ARHGDIB: variants seen among roughly 807,000 people sequenced by gnomAD.
The protein encoded by ARHGDIB is Rho GDP dissociation inhibitor beta.
In ARHGDIB, 20 loss-of-function variants were observed where a neutral mutation model predicts 22.6. The ratio of observed to expected loss-of-function variants is 0.88; its 90% CI spans 0.62 to 1.28. The LOEUF (loss-of-function observed/expected upper bound fraction) is 1.28. ARHGDIB is among the 50% of genes most tolerant of loss of function. The probability of loss-of-function intolerance (pLI) is 0.00; values close to 1 mark genes in which losing one functional copy is unlikely to be tolerated. For synonymous variants in ARHGDIB, 114 were observed against 96.1 expected, an observed-to-expected ratio of 1.19 and a Z score of -1.09; for missense variants, 254 against 245.4, an observed-to-expected ratio of 1.04 and a Z score of -0.23.
Position 14,950,638 on chromosome 12 carries a change from C to G in ARHGDIB, c.75G>C (p.Lys25Asn). The change falls in exon 2 of 6, where the codon AAG (lysine) becomes AAC (asparagine). Residue 25 changes from lysine (K) to asparagine (N), a missense_variant. Transcript: ENST00000228945. ...DDELDSKLNY[K>N]PPPQKSLKEL... ...CTTTCAGGGACTTCTGTGGTGGAGG[C>G]TTATAATTGAGCTTGCTGTCCAGCT... 6.2e-7 allele frequency: 1 copy of G among 1,614,026 alleles called. No homozygotes were observed. Among genetic ancestry groups the G allele is most frequent in the Non-Finnish European group, 8.5e-7 (1 of 1,179,926 alleles).
At chr12:14,958,301 C>A (rs1221121045) in intron 1 of ARHGDIB, among the ~76,000 whole-genome samples, 1 of 152,138 alleles carries the variant, frequency 6.6e-6, no homozygotes. Context: ...ACCACCTCAG[C>A]CCCATGAAGG....
At chr12:14,948,100 G>GCGCGCGCGCA (rs71926892) in intron 3 of ARHGDIB, 151 bp from the exon 4 acceptor site, 2 of 436,272 alleles carry the variant, frequency 4.6e-6, no homozygotes, top group Admixed American at 3.7e-5. Context: ...TTTAGTCCTT[G>GCGCGCGCGCA]CACACACACA....
In ARHGDIB at chr12:14,949,212, C is replaced by T. The variant is rs114801468; in HGVS notation, c.265+590G>A. The stretch of plus-strand genomic sequence containing the variant: ...TCCACAATAACCCCCTTCCCAGTCT[C>T]TCTCCTCCTCAAGCCCTAAGTCTCA... On this transcript the variant is annotated intron_variant, in intron 3 of 5. Transcript: ENST00000228945. 7.3e-3 allele frequency among the ~76,000 whole-genome samples: 1,104 copies of T among 152,270 alleles called. 16 individuals carry two copies. Among genetic ancestry groups the T allele is most frequent in the African/African-American group, 0.025 (1,049 of 41,546 alleles).
chr12:14,949,404 C>T (rs1314117285), intron 3 of ARHGDIB, among the ~76,000 whole-genome samples: 2 of 152,060 alleles, frequency 1.3e-5, no homozygotes, highest in African/African-American at 4.8e-5. Flanking sequence ...TGCTTCTCAC[C>T]TTCCAGTAAG....
chr12:14,960,828 C>G (rs751817845), intron 1 of ARHGDIB, among the ~76,000 whole-genome samples: 10 of 152,160 alleles, frequency 6.6e-5, no homozygotes, highest in Non-Finnish European at 1.0e-4. Flanking sequence ...ACAACAACAG[C>G]AAAGATCTGC....
chr12:14,947,557 A>G (rs1400477641), intron 4 of ARHGDIB: 3 of 240,682 alleles, frequency 1.2e-5, no homozygotes, highest in East Asian at 8.4e-5. Context: ...CTTATATTCT[A>G]TGAAGAAGAA....
chr12:14,948,024 G>A (rs1307121858), intron 3 of ARHGDIB, 75 bp from the exon 4 acceptor site: 24 of 1,317,486 alleles, frequency 1.8e-5, no homozygotes, highest in Admixed American at 5.2e-5. Flanking sequence ...TTAAGTCCCG[G>A]AAAAATTTGT....
rs763409543 is a variant in ARHGDIB, at chr12:14,942,737, A to G, written c.407-16T>C. ...GCTTTATCCACTAAGAAGAAAGAAGAGTTCATTAGGGTAAGAGCCTGATAG... is the reference window on the plus strand; with the variant it reads ...GCTTTATCCACTAAGAAGAAAGAAGGGTTCATTAGGGTAAGAGCCTGATAG... On this transcript the variant is annotated splice_polypyrimidine_tract_variant and intron_variant, in intron 5 of 5. Transcript: ENST00000228945. 7 of 1,612,016 alleles carry G rather than the reference A, an allele frequency of 4.3e-6. No individual in the cohort carries two copies. Among genetic ancestry groups the G allele is most frequent in the Non-Finnish European group, 5.9e-6 (7 of 1,179,134 alleles).
rs944790915 is a variant in ARHGDIB at position 14,947,868 on chromosome 12, C to A, written c.342+5G>T. 6.2e-7 allele frequency: 1 copy of A among 1,600,366 alleles called. No homozygotes were observed. Among genetic ancestry groups the A allele is most frequent in the African/African-American group, 1.3e-5 (1 of 74,748 alleles). On this transcript the variant is annotated splice_donor_5th_base_variant and intron_variant, in intron 4 of 5. Coordinates refer to ENST00000228945, the MANE Select transcript of ARHGDIB (RefSeq NM_001175.7). ...TTACAAAAACACACAAGGCAGGATA[C>A]TTACTTTGAAGTGAATTTTGACTCT...
At chr12:14,943,169 T>C (rs1190099518) in intron 5 of ARHGDIB, among the ~76,000 whole-genome samples, 3 of 152,152 alleles carry the variant, frequency 2.0e-5, no homozygotes, top group Non-Finnish European at 1.5e-5. Flanking sequence ...CACCTGGCCC[T>C]GAGGCATCTT....
At chr12:14,952,665 G>T (rs898414973) in intron 1 of ARHGDIB, among the ~76,000 whole-genome samples, 1 of 152,230 alleles carries the variant, frequency 6.6e-6, no homozygotes, top group Non-Finnish European at 1.5e-5. Flanking sequence ...TGAAGAGCAA[G>T]CCAGATAAGA....
intron 3 of ARHGDIB, 119 bp from the exon 4 acceptor site, chr12:14,948,068 C>T: frequency 1.5e-6 from 1 of 682,272 alleles, no homozygotes; most frequent in Non-Finnish European, 2.7e-6. Flanking sequence ...TCACAGGGCC[C>T]TCAATTCACA....
chr12:14,944,550 G>C (rs1863963224), intron 5 of ARHGDIB, among the ~76,000 whole-genome samples: 1 of 152,152 alleles, frequency 6.6e-6, no homozygotes, highest in African/African-American at 2.4e-5. Context: ...AATCCAAAAA[G>C]CTGACTGCTG....
At chr12:14,952,825 A>G (rs1864210927) in intron 1 of ARHGDIB, among the ~76,000 whole-genome samples, 1 of 152,230 alleles carries the variant, frequency 6.6e-6, no homozygotes, top group African/African-American at 2.4e-5. Context: ...GAACTGTATC[A>G]CTTGGTTCTA....
At position 14,942,826 on chromosome 12, in the gene ARHGDIB, G is replaced by C. The variant is rs1395284679; in HGVS notation, c.407-105C>G. The C allele has an allele frequency of 3.0e-6, 3 of 985,926 alleles. No homozygotes were observed. In the African/African-American group the frequency reaches 4.9e-5, roughly 16 times the overall value. 61.1% of individuals were successfully genotyped at this position (985,926 alleles called of 1,614,324 possible). On this transcript the variant is annotated intron_variant, in intron 5 of 5. Transcript: ENST00000228945. Reference sequence around the variant, plus strand: ...CAGCCTACAGTGATTAAAGTCAAGAGCAATGGTTTCCAAGCCTAAATAAAC... The same window carrying C: ...CAGCCTACAGTGATTAAAGTCAAGACCAATGGTTTCCAAGCCTAAATAAAC...
At chr12:14,944,678 T>G in intron 5 of ARHGDIB, 98 bp downstream of exon 5, 1 of 1,177,922 alleles carries the variant, frequency 8.5e-7, no homozygotes, top group Non-Finnish European at 1.2e-6. Context: ...TTTTATTGTA[T>G]TCTCATCTGA....
chr12:14,952,037 G>C (rs1319745831), intron 1 of ARHGDIB, among the ~76,000 whole-genome samples: 1 of 152,080 alleles, frequency 6.6e-6, no homozygotes, highest in African/African-American at 2.4e-5. Flanking sequence ...TCTATCTTGA[G>C]GGTAACTCTT....
chr12:14,949,718 C>A (rs777818726), intron 3 of ARHGDIB, 84 bp downstream of exon 3: 66 of 1,245,100 alleles, frequency 5.3e-5, no homozygotes, highest in Non-Finnish European at 2.7e-5. Context: ...CACCAGTTTT[C>A]TTCTGTTGGA....
chr12:14,948,870 T>A (rs1483325054), intron 3 of ARHGDIB: 2 of 152,444 alleles, frequency 1.3e-5, no homozygotes, highest in East Asian at 3.9e-4. Flanking sequence ...GATGTCAGCA[T>A]GTCGGGGTAG....
Sources: allele counts gnomAD v4.1 joint callset (sites outside exome capture counted in the v4.1 genomes callset), GRCh38; gene constraint gnomAD v4.1.1; transcripts MANE v1.5; gene names NCBI Gene and HGNC (gene_info 2026-07-23, HGNC 2026-07-21).